PCCA: variants seen among roughly 807,000 people sequenced by gnomAD.
The protein encoded by PCCA is propionyl-CoA carboxylase subunit alpha.
In PCCA, 74 loss-of-function variants were observed where a neutral mutation model predicts 101.3. The ratio of observed to expected loss-of-function variants is 0.73; its 90% confidence interval spans 0.61 to 0.89. The LOEUF (loss-of-function observed/expected upper bound fraction) is 0.89, where lower values mean the gene tolerates loss of function less well. Among genes scored for constraint, PCCA ranks in the 40% least tolerant of loss-of-function variants. PCCA has a pLI of 0.00. For synonymous variants in PCCA, 294 were observed against 313.6 expected (o/e 0.94, Z 0.66); for missense variants, 891 against 907.0 (o/e 0.98, Z 0.23).
intron 21 of PCCA, among the ~76,000 whole-genome samples, chr13:100,454,615 ATTT>A (rs1352772618): frequency 6.6e-6 from 1 of 152,154 alleles, no homozygotes; most frequent in Non-Finnish European, 1.5e-5. Flanking sequence ...CCAGGTATAG[ATTT>A]GTCTTTGTGA....
At chr13:100,398,897 A>G (rs182243394) in intron 19 of PCCA, among the ~76,000 whole-genome samples, 2 of 152,308 alleles carry the variant, frequency 1.3e-5, no homozygotes, top group Admixed American at 1.3e-4. Context: ...AATTATAATA[A>G]AGTGAAGCAT....
At chr13:100,113,099 G>C (rs187378410) in intron 4 of PCCA, among the ~76,000 whole-genome samples, 54 of 152,278 alleles carry the variant, frequency 3.5e-4, no homozygotes, top group Admixed American at 2.7e-3. Flanking sequence ...ATCGTTAGGT[G>C]AATTCAATAT....
At chr13:100,324,445 T>C (rs1045565723) in intron 16 of PCCA, among the ~76,000 whole-genome samples, 1 of 152,120 alleles carries the variant, frequency 6.6e-6, no homozygotes, top group African/African-American at 2.4e-5. Context: ...TTGTGACAAT[T>C]TGAAAAAGCT....
At chr13:100,179,155 T>C (rs2056543331) in intron 6 of PCCA, among the ~76,000 whole-genome samples, 1 of 151,588 alleles carries the variant, frequency 6.6e-6, no homozygotes, top group African/African-American at 2.4e-5. Flanking sequence ...TTTTATAGAA[T>C]AATAAAGTTA....
At chr13:100,222,036 C>T (rs182250493) in intron 7 of PCCA, among the ~76,000 whole-genome samples, 18 of 151,306 alleles carry the variant, frequency 1.2e-4, no homozygotes, top group Admixed American at 1.1e-3. Context: ...TGAGCCACTG[C>T]GCCTGGTGGA....
At chr13:100,233,183 T>C (rs1439924463) in intron 7 of PCCA, among the ~76,000 whole-genome samples, 1 of 152,208 alleles carries the variant, frequency 6.6e-6, no homozygotes, top group Non-Finnish European at 1.5e-5. Flanking sequence ...CCTCAAACTT[T>C]TGGTAGATAC....
At chr13:100,446,811 A>G (rs573512941) in intron 20 of PCCA, among the ~76,000 whole-genome samples, 1 of 152,372 alleles carries the variant, frequency 6.6e-6, no homozygotes, top group East Asian at 1.9e-4. Flanking sequence ...TTTTATGTGC[A>G]CTAATTCTAG....
chr13:100,323,508 G>C (rs376190318), intron 16 of PCCA, among the ~76,000 whole-genome samples: 222 of 152,076 alleles, frequency 1.5e-3, no homozygotes, highest in African/African-American at 4.9e-3. Context: ...AGTAGAGACG[G>C]GGTTTCACCA....
chr13:100,310,111 A>G lies in PCCA; in HGVS notation c.1429+203A>G, dbSNP rs906349111. 2.6e-5 allele frequency among the ~76,000 whole-genome samples: 4 copies of G among 152,208 alleles called. No individual in the cohort carries two copies. In the East Asian group the frequency reaches 5.8e-4, roughly 22 times the overall value. On this transcript the variant is annotated intron_variant, in intron 16 of 23. Transcript: ENST00000376285. ...TTTTAAGCAAATGCATATTTTCTCT[A>G]TATGCCTAACATATATATTACTCTA...
chr13:100,242,849 A>G (rs2061227666), intron 8 of PCCA, among the ~76,000 whole-genome samples: 1 of 151,990 alleles, frequency 6.6e-6, no homozygotes, highest in Non-Finnish European at 1.5e-5. Context: ...TTTGCAAATG[A>G]TTGCTTTATA....
At chr13:100,169,774 G>T (rs1313706096) in intron 6 of PCCA, among the ~76,000 whole-genome samples, 1 of 149,396 alleles carries the variant, frequency 6.7e-6, no homozygotes, top group African/African-American at 2.5e-5. Flanking sequence ...ATCTCAGTTC[G>T]CTACAGACTC....
rs950344042 is a variant in PCCA at position 100,449,312 on chromosome 13, A to G, written c.1899+7A>G. 8.1e-6 allele frequency: 12 copies of G among 1,485,140 alleles called. No individual in the cohort carries two copies. The highest frequency in any genetic ancestry group is 1.7e-4 in the Middle Eastern group (1 of 5,834). 92.0% of individuals were successfully genotyped at this position (1,485,140 alleles called of 1,614,324 possible). ...TCAGTTTCTTGGTACAGTGGTAAGTATGAAATCATTCTTTATTCTCTTAAT... is the reference window on the plus strand; with the variant it reads ...TCAGTTTCTTGGTACAGTGGTAAGTGTGAAATCATTCTTTATTCTCTTAAT... On this transcript the variant is annotated splice_region_variant and intron_variant, in intron 21 of 23. Coordinates refer to ENST00000376285, the MANE Select transcript of PCCA (RefSeq NM_000282.4).
intron 22 of PCCA, among the ~76,000 whole-genome samples, chr13:100,521,638 G>A (rs905303752): frequency 1.4e-5 from 2 of 147,892 alleles, no homozygotes; most frequent in Non-Finnish European, 2.9e-5. Context: ...AATATAATCA[G>A]ATGCGAGCAG....
rs1051559516 is a variant in PCCA, at chr13:100,515,467, A to C, written c.1940A>C (p.Asn647Thr). 6.2e-7 allele frequency: 1 copy of C among 1,614,120 alleles called. No individual in the cohort carries two copies. Among genetic ancestry groups the C allele is most frequent in the African/African-American group, 1.3e-5 (1 of 75,040 alleles). The change falls in exon 22 of 24, where the codon AAC becomes ACC. Residue 647 changes from asparagine (N) to threonine (T), a missense_variant. Asn to Thr is a moderately conservative substitution (Grantham distance 65). Transcript: ENST00000376285. ...NILTRLAAEL[N>T]KFMLEKVTED... ...TTAACCAGACTTGCCGCAGAATTGA[A>C]CAAATTTATGCTGGAAAAAGTGACT...
At chr13:100,149,323 C>T (rs2053005852) in intron 4 of PCCA, 3 of 151,492 alleles carry the variant, frequency 2.0e-5, no homozygotes, top group Admixed American at 2.0e-4. Context: ...GGAAACTTGC[C>T]ATCTTAACTA....
chr13:100,427,907 G>T (rs1323303565), intron 20 of PCCA, among the ~76,000 whole-genome samples: 1 of 152,144 alleles, frequency 6.6e-6, no homozygotes, highest in Non-Finnish European at 1.5e-5. Flanking sequence ...GTGTTATCAG[G>T]TGTAGTTTTA....
intron 19 of PCCA, among the ~76,000 whole-genome samples, chr13:100,370,233 T>C (rs551187388): frequency 6.6e-6 from 1 of 151,842 alleles, no homozygotes; most frequent in African/African-American, 2.4e-5. Context: ...TACAGGTGCA[T>C]GCCACCACAC....
intron 19 of PCCA, among the ~76,000 whole-genome samples, chr13:100,416,606 C>T (rs901924412): frequency 3.3e-5 from 5 of 151,814 alleles, no homozygotes; most frequent in Non-Finnish European, 5.9e-5. Flanking sequence ...GATCTCAGCT[C>T]ACTGCAACCT....
At chr13:100,393,564 G>T (rs1272136495) in intron 19 of PCCA, among the ~76,000 whole-genome samples, 1 of 151,576 alleles carries the variant, frequency 6.6e-6, no homozygotes, top group Non-Finnish European at 1.5e-5. Context: ...GTTTACAGGC[G>T]CCCGCCACCG....
Sources: allele counts gnomAD v4.1 joint callset (sites outside exome capture counted in the v4.1 genomes callset), GRCh38; gene constraint gnomAD v4.1.1; transcripts MANE v1.5; gene names NCBI Gene and HGNC (gene_info 2026-07-23, HGNC 2026-07-21).